DISP3: variants seen among roughly 807,000 people sequenced by gnomAD.
DISP3 encodes the protein dispatched RND transporter family member 3.
DISP3 carries 101 observed loss-of-function variants against 135.3 expected under a neutral mutation model. The ratio of observed to expected loss-of-function variants is 0.75; its 90% CI spans 0.64 to 0.88. The LOEUF (loss-of-function observed/expected upper bound fraction) is 0.88. DISP3 is among the 40% of genes least tolerant of loss of function. The pLI is 0.00. For missense variants in DISP3, 1,713 were observed against 1,878.6 expected, an observed-to-expected ratio of 0.91 and a Z score of 1.63; for synonymous variants, 856 against 817.0, an observed-to-expected ratio of 1.05 and a Z score of -0.81.
At chr1:11,533,871 G>A (rs1261345658) in intron 17 of DISP3, 9 of 717,222 alleles carry the variant, frequency 1.3e-5, no homozygotes, top group Non-Finnish European at 2.1e-5. Context: ...AGCACCTCTC[G>A]GGACTGGGCA....
At chr1:11,535,239 G>A (rs541644393) in intron 19 of DISP3, 115 bp downstream of exon 19, 33 of 1,104,872 alleles carry the variant, frequency 3.0e-5, no homozygotes, top group South Asian at 2.8e-4. Flanking sequence ...ACATCTCAGC[G>A]GAGGCTCATA....
chr1:11,519,414 C>A lies in DISP3; in HGVS notation c.1949C>A (p.Ala650Asp), dbSNP rs199569508. 1 of 1,613,866 alleles carries A rather than the reference C, an allele frequency of 6.2e-7. No individual in the cohort carries two copies. The change falls in exon 8 of 21, where the codon GCT becomes GAT. Residue 650 changes from alanine to aspartate, a missense_variant. Physicochemically the swap from Ala to Asp is moderately radical, Grantham distance 126. Transcript: ENST00000294484. This position sits in a 1 kb window ranked among gnomAD's most constrained non-coding sequence, Gnocchi z 4.3. ...SLHFPGDVFA[A>D]PEQVGGSPAQ... ...CACTTCCCCGGAGACGTGTTTGCCG[C>A]TCCCGAGCAGGTTGGAGGCAGCCCT...
intron 1 of DISP3, among the ~76,000 whole-genome samples, chr1:11,479,873 C>T (rs959210035): frequency 3.3e-5 from 5 of 152,172 alleles, no homozygotes; most frequent in African/African-American, 4.8e-5. Context: ...AGGGACATTT[C>T]CCCGATTAAC....
chr1:11,525,203 A>G lies in DISP3; in HGVS notation c.2504A>G (p.Lys835Arg), dbSNP rs1642376973. The G allele has an allele frequency of 6.2e-7, 1 of 1,613,764 alleles. No homozygotes were observed. Among genetic ancestry groups the G allele is most frequent in the African/African-American group, 1.3e-5 (1 of 74,896 alleles). ...TTCCCAGGCACCGTGTACATCTCTAAAGTGAAGAGTCAAGGCCACCCCGCT... is the reference window on the plus strand; with the variant it reads ...TTCCCAGGCACCGTGTACATCTCTAGAGTGAAGAGTCAAGGCCACCCCGCT... Reference protein sequence around the residue: ...QDFPGTVYISKVKSQGHPAVY... With the variant: ...QDFPGTVYISRVKSQGHPAVY... The change falls in exon 12 of 21, where the codon AAA becomes AGA. Residue 835 changes from lysine to arginine, a missense_variant. Transcript: ENST00000294484.
At chr1:11,502,355 G>A (rs75417796) in intron 2 of DISP3, among the ~76,000 whole-genome samples, 2,568 of 152,330 alleles carry the variant, frequency 0.017, 49 homozygotes, top group African/African-American at 0.038. Context: ...AAATCGTGGG[G>A]TGGGCCTCGG....
intron 1 of DISP3, among the ~76,000 whole-genome samples, chr1:11,480,151 T>C (rs917749855): frequency 6.6e-5 from 10 of 152,236 alleles, no homozygotes; most frequent in Admixed American, 2.0e-4. Flanking sequence ...GGCGCCTCCT[T>C]GGGGGCTTCT....
At chr1:11,500,063 G>A (rs549114047) in intron 1 of DISP3, among the ~76,000 whole-genome samples, 2 of 152,364 alleles carry the variant, frequency 1.3e-5, no homozygotes, top group African/African-American at 4.8e-5. Context: ...GCCCAGCCCT[G>A]CCCTCTCCTG....
At chr1:11,487,590 T>C (rs1019635811) in intron 1 of DISP3, among the ~76,000 whole-genome samples, 2 of 152,208 alleles carry the variant, frequency 1.3e-5, no homozygotes, top group Non-Finnish European at 2.9e-5. Flanking sequence ...GTAGCTTATT[T>C]CTCCCTCTGC....
intron 2 of DISP3, 103 bp from the exon 3 acceptor site, chr1:11,502,575 G>T: frequency 1.1e-6 from 1 of 902,252 alleles, no homozygotes; most frequent in Non-Finnish European, 1.7e-6. Flanking sequence ...TGGACAGGGG[G>T]AATCCTGGGA....
chr1:11,514,003 G>T (rs1223468014), intron 3 of DISP3, among the ~76,000 whole-genome samples: 1 of 151,646 alleles, frequency 6.6e-6, no homozygotes, highest in Non-Finnish European at 1.5e-5. Context: ...TTGAATAGCA[G>T]TGTAAAACTG....
chr1:11,494,244 C>T (rs1292786537), intron 1 of DISP3, among the ~76,000 whole-genome samples: 1 of 152,206 alleles, frequency 6.6e-6, no homozygotes, highest in African/African-American at 2.4e-5. Context: ...GTGAGGATGA[C>T]AGAGGATGGA....
At chr1:11,517,833 CTTCCCAAAGAACCCTGGGAGCTGGG>C (rs1642057479) in intron 7 of DISP3, among the ~76,000 whole-genome samples, 1 of 152,220 alleles carries the variant, frequency 6.6e-6, no homozygotes, top group Non-Finnish European at 1.5e-5. Flanking sequence ...TCACCATTCA[CTTCCCAAAGAACCCTGGGAGCTGGG>C]TTCTCTTGCT....
chr1:11,515,203 G>T (rs17036947), intron 4 of DISP3, among the ~76,000 whole-genome samples, 166 bp from the exon 5 acceptor site: 24,079 of 152,210 alleles, frequency 0.16, 2,215 homozygotes, highest in East Asian at 0.46. Flanking sequence ...CCCTTTTTGG[G>T]TGTGGAAAAC....
At chr1:11,507,311 G>T (rs1641733141) in intron 3 of DISP3, among the ~76,000 whole-genome samples, 3 of 152,100 alleles carry the variant, frequency 2.0e-5, no homozygotes, top group Admixed American at 2.0e-4. Flanking sequence ...CTGAGAGCTT[G>T]GTGTATTCTA....
intron 3 of DISP3, among the ~76,000 whole-genome samples, chr1:11,503,899 A>G (rs1047639427): frequency 6.6e-6 from 1 of 152,156 alleles, no homozygotes; most frequent in Non-Finnish European, 1.5e-5. Flanking sequence ...ATGAGCTAAC[A>G]GATGTGACGG....
chr1:11,518,575 C>A (rs1570118857), intron 7 of DISP3, among the ~76,000 whole-genome samples: 2 of 152,198 alleles, frequency 1.3e-5, no homozygotes, highest in African/African-American at 4.8e-5. Flanking sequence ...CACGTCTGCC[C>A]CCCGGCCTGG....
chr1:11,491,649 G>A lies in DISP3; in HGVS notation c.-3-9341G>A, dbSNP rs1641185639. Among the ~76,000 whole-genome samples the A allele has an allele frequency of 6.6e-6, 1 of 151,898 alleles. No homozygotes were observed. The highest frequency in any genetic ancestry group is 2.4e-5 in the African/African-American group (1 of 41,346). ...AAAACAAAACAAAACCCGGATTCCT[G>A]GGCCCCACCTCCTCTGACCTGGAAT... On this transcript the variant is annotated intron_variant, in intron 1 of 20. Coordinates refer to ENST00000294484, the MANE Select transcript of DISP3 (RefSeq NM_020780.2). The surrounding 1 kb of genome is among the most constrained non-coding windows in gnomAD (Gnocchi z 4.3).
intron 3 of DISP3, among the ~76,000 whole-genome samples, chr1:11,504,425 C>T (rs531236020): frequency 6.6e-6 from 1 of 152,366 alleles, no homozygotes; most frequent in East Asian, 1.9e-4. Context: ...AGCTCCTATT[C>T]ATCTATTAAG....
chr1:11,525,822 G>T (rs184080016), intron 12 of DISP3, among the ~76,000 whole-genome samples: 14 of 152,184 alleles, frequency 9.2e-5, no homozygotes, highest in East Asian at 3.9e-4. Flanking sequence ...TCTTGGGGGT[G>T]GGGGGAGGAC....
Sources: allele counts gnomAD v4.1 joint callset (sites outside exome capture counted in the v4.1 genomes callset), GRCh38; gene constraint gnomAD v4.1.1; non-coding constraint Gnocchi (gnomAD v3.1); transcripts MANE v1.5; gene names NCBI Gene and HGNC (gene_info 2026-07-23, HGNC 2026-07-21).